SLC25A24: variants seen among roughly 807,000 people sequenced by gnomAD.
SLC25A24 encodes the protein mitochondrial adenyl nucleotide antiporter SLC25A24.
Under a neutral mutation model 60.7 loss-of-function variants are expected in SLC25A24, and 49 were observed. The observed-to-expected ratio is 0.81, with a 90% CI of 0.64 to 1.02. The LOEUF (loss-of-function observed/expected upper bound fraction) is 1.02, where lower values mean the gene tolerates loss of function less well. Among genes scored for constraint, SLC25A24 ranks in the 50% least tolerant of loss-of-function variants. The pLI, the probability that SLC25A24 is intolerant of heterozygous loss-of-function variation, is 0.00. For missense variants in SLC25A24, 564 were observed against 586.3 expected (o/e 0.96, Z 0.39); for synonymous variants, 202 against 200.6 (o/e 1.01, Z -0.06).
chr1:108,146,276 CTT>C (rs1488208649), intron 7 of SLC25A24, among the ~76,000 whole-genome samples: 1 of 152,162 alleles, frequency 6.6e-6, no homozygotes, highest in Non-Finnish European at 1.5e-5. Context: ...TACCCTGAGA[CTT>C]TGCTTTAAGT....
chr1:108,164,755 T>G (rs1334276878), intron 3 of SLC25A24, among the ~76,000 whole-genome samples: 1 of 107,788 alleles, frequency 9.3e-6, no homozygotes, highest in Non-Finnish European at 1.9e-5. Flanking sequence ...GCTCCTGGAT[T>G]CATTAATTTT....
Position 108,136,836 on chromosome 1 carries a change from G to A in SLC25A24, c.1251C>T (p.Ala417=), listed in dbSNP as rs982059147. The A allele has an allele frequency of 6.2e-7, 1 of 1,608,874 alleles. No individual in the cohort carries two copies. Among genetic ancestry groups the A allele is most frequent in the South Asian group, 1.1e-5 (1 of 89,678 alleles). ...TCAGCTGTGGGGAACCTTCTAACATGGCTAAAAAATAAAAAAAGAGGGTAA... is the reference window on the plus strand; with the variant it reads ...TCAGCTGTGGGGAACCTTCTAACATAGCTAAAAAATAAAAAAAGAGGGTAA... ...ALVRTRMQAQ[A]MLEGSPQLNM... The change falls in exon 10 of 10, where the codon GCC becomes GCT. Residue 417 remains alanine, a splice_region_variant and synonymous_variant. Coordinates refer to ENST00000565488, the MANE Select transcript of SLC25A24 (RefSeq NM_013386.5).
At chr1:108,199,626 A>C in intron 1 of SLC25A24, 1 of 459,338 alleles carries the variant, frequency 2.2e-6, no homozygotes, top group South Asian at 5.1e-5. Flanking sequence ...ACATGTCTGC[A>C]AGGTATTAAA....
intron 7 of SLC25A24, among the ~76,000 whole-genome samples, chr1:108,146,357 G>A (rs1186673390): frequency 6.6e-6 from 1 of 152,188 alleles, no homozygotes; most frequent in African/African-American, 2.4e-5. Flanking sequence ...CATGTCAACT[G>A]CAAACAGAGA....
At chr1:108,161,526 A>G (rs561811526) in intron 3 of SLC25A24, among the ~76,000 whole-genome samples, 1 of 152,352 alleles carries the variant, frequency 6.6e-6, no homozygotes, top group African/African-American at 2.4e-5. Flanking sequence ...CCAGCTCACT[A>G]AAGAATACTT....
intron 7 of SLC25A24, among the ~76,000 whole-genome samples, chr1:108,144,641 TCA>T (rs1679537779): frequency 6.6e-6 from 1 of 152,198 alleles, no homozygotes; most frequent in Non-Finnish European, 1.5e-5. Flanking sequence ...CCATGTATTC[TCA>T]TTGTTCAACT....
intron 1 of SLC25A24, chr1:108,199,725 A>AT: frequency 3.4e-6 from 2 of 584,588 alleles, no homozygotes; most frequent in Non-Finnish European, 6.1e-6. Context: ...CACAACACTC[A>AT]TTTTATCTGG....
intron 3 of SLC25A24, among the ~76,000 whole-genome samples, chr1:108,168,870 CA>C (rs1299555887): frequency 6.6e-5 from 10 of 151,984 alleles, no homozygotes; most frequent in Non-Finnish European, 8.8e-5. Flanking sequence ...TCAATCTTTT[CA>C]TTCCTATGTA....
intron 1 of SLC25A24, chr1:108,192,590 T>A: frequency 6.7e-7 from 1 of 1,497,910 alleles, no homozygotes; most frequent in Non-Finnish European, 9.0e-7. Context: ...ATAGTCCAGG[T>A]ACCAAAAGAG....
At chr1:108,150,976 G>A (rs2101607269) in intron 6 of SLC25A24, among the ~76,000 whole-genome samples, 2 of 152,274 alleles carry the variant, frequency 1.3e-5, no homozygotes, top group South Asian at 4.1e-4. Flanking sequence ...TGAGGCAGGA[G>A]GACCACTTGA....
At chr1:108,191,296 A>G (rs1648337046) in intron 1 of SLC25A24, among the ~76,000 whole-genome samples, 1 of 137,820 alleles carries the variant, frequency 7.3e-6, no homozygotes, top group Non-Finnish European at 1.6e-5. Flanking sequence ...CACCCGGTTA[A>G]TTTTTGCATT....
intron 3 of SLC25A24, among the ~76,000 whole-genome samples, chr1:108,170,241 T>A (rs1447393203): frequency 2.0e-5 from 3 of 152,170 alleles, no homozygotes; most frequent in Non-Finnish European, 2.9e-5. Flanking sequence ...AGTTGAGAAG[T>A]GTATATCACA....
intron 1 of SLC25A24, among the ~76,000 whole-genome samples, chr1:108,186,904 C>T (rs916575347): frequency 6.6e-6 from 1 of 151,868 alleles, no homozygotes; most frequent in Non-Finnish European, 1.5e-5. Flanking sequence ...ATGGAGAACC[C>T]CCATCTCTAC....
chr1:108,178,586 G>A (rs868749564), intron 3 of SLC25A24, among the ~76,000 whole-genome samples: 10 of 152,216 alleles, frequency 6.6e-5, no homozygotes, highest in Middle Eastern at 3.4e-3. Context: ...AGGCCGAGGC[G>A]GGCAGATCAC....
At chr1:108,150,249 A>G (rs1571282724) in intron 6 of SLC25A24, among the ~76,000 whole-genome samples, 1 of 152,150 alleles carries the variant, frequency 6.6e-6, no homozygotes, top group East Asian at 1.9e-4. Context: ...TGAGGCTCCT[A>G]TTCCCCGAAA....
At chr1:108,153,487 A>C (rs2101609795) in intron 6 of SLC25A24, among the ~76,000 whole-genome samples, 1 of 152,236 alleles carries the variant, frequency 6.6e-6, no homozygotes, top group East Asian at 1.9e-4. Context: ...GCAATTCAGC[A>C]CTCGAGGGAG....
intron 3 of SLC25A24, among the ~76,000 whole-genome samples, chr1:108,172,870 A>G (rs904038394): frequency 2.0e-5 from 3 of 152,164 alleles, no homozygotes; most frequent in Admixed American, 1.3e-4. Context: ...CTGCCTTTAA[A>G]AATTGTTTCT....
chr1:108,198,712 A>T (rs1395420202), intron 1 of SLC25A24: 4 of 152,148 alleles, frequency 2.6e-5, no homozygotes, highest in African/African-American at 9.7e-5. Context: ...TATTGTAGGG[A>T]CCATGGAGTT....
chr1:108,194,434 G>A (rs1277321934), intron 1 of SLC25A24, among the ~76,000 whole-genome samples: 3 of 129,486 alleles, frequency 2.3e-5, no homozygotes, highest in Non-Finnish European at 3.3e-5. Context: ...AGATAGCCAG[G>A]CAGAGAATGA....
Sources: gnomAD v4.1 joint callset for allele counts (sites outside exome capture counted in the v4.1 genomes callset) on GRCh38, gnomAD v4.1.1 for gene constraint, MANE v1.5 for transcripts, NCBI Gene and HGNC (gene_info 2026-07-23, HGNC 2026-07-21) for gene names.